Variants in CDH13 observed in about 807,000 individuals in gnomAD.
The protein encoded by CDH13 is cadherin 13.
CDH13 carries 24 observed loss-of-function variants against 63.8 expected under a neutral mutation model. The observed-to-expected ratio is 0.38, with a 90% CI of 0.27 to 0.53. The LOEUF is 0.53. Ranked by LOEUF, CDH13 falls within the 20% of genes least tolerant of loss-of-function variation. CDH13 has a pLI of 0.85. For missense variants in CDH13, 1,049 were observed against 903.1 expected, an observed-to-expected ratio of 1.16 and a Z score of -2.07; for synonymous variants, 503 against 355.3, an observed-to-expected ratio of 1.42 and a Z score of -4.67.
At chr16:83,063,071 C>G (rs1020979311) in intron 3 of CDH13, among the ~76,000 whole-genome samples, 1 of 151,590 alleles carries the variant, frequency 6.6e-6, no homozygotes, top group Admixed American at 6.6e-5. Flanking sequence ...AAGTGAGTCT[C>G]CTGCATCAGC....
chr16:82,670,635 C>G (rs892981319), intron 1 of CDH13, among the ~76,000 whole-genome samples: 1 of 152,142 alleles, frequency 6.6e-6, no homozygotes, highest in South Asian at 2.1e-4. Context: ...TCGGAATGAG[C>G]TAGGCATTTG....
chr16:83,206,376 C>T (rs946596446), intron 4 of CDH13, among the ~76,000 whole-genome samples: 37 of 152,330 alleles, frequency 2.4e-4, no homozygotes, highest in African/African-American at 8.7e-4. Flanking sequence ...TGTCCCCAGG[C>T]CAAGGGGCTG....
intron 1 of CDH13, among the ~76,000 whole-genome samples, chr16:82,627,339 T>TGCGTGC (rs1555525840): frequency 0.021 from 784 of 37,278 alleles, 7 homozygotes; most frequent in African/African-American, 0.067. Context: ...CTGGCGTGCG[T>TGCGTGC]GTGTGTGTGT....
At chr16:83,416,684 C>G (rs925763636) in intron 6 of CDH13, among the ~76,000 whole-genome samples, 3 of 152,130 alleles carry the variant, frequency 2.0e-5, no homozygotes, top group African/African-American at 7.2e-5. Context: ...AAGTAGATGT[C>G]CTTCAGGCAC....
chr16:83,414,365 A>T (rs2092170160), intron 6 of CDH13, among the ~76,000 whole-genome samples: 1 of 152,204 alleles, frequency 6.6e-6, no homozygotes, highest in South Asian at 2.1e-4. Flanking sequence ...CCACCACCAC[A>T]GTCTGATTTT....
intron 2 of CDH13, among the ~76,000 whole-genome samples, chr16:82,936,432 A>C (rs2042669454): frequency 6.6e-6 from 1 of 152,058 alleles, no homozygotes; most frequent in Non-Finnish European, 1.5e-5. Flanking sequence ...TGATGATCTG[A>C]GGTAGAACAG....
At chr16:83,625,465 C>T (rs768848404) in intron 8 of CDH13, among the ~76,000 whole-genome samples, 3 of 152,150 alleles carry the variant, frequency 2.0e-5, no homozygotes, top group Non-Finnish European at 2.9e-5. Context: ...TGCTACTGAC[C>T]ATCGCTAACA....
intron 2 of CDH13, among the ~76,000 whole-genome samples, chr16:82,997,681 C>G (rs926424220): frequency 1.3e-5 from 2 of 152,098 alleles, no homozygotes; most frequent in Non-Finnish European, 2.9e-5. Flanking sequence ...AGAGATTTTT[C>G]CACAATCACA....
At chr16:83,618,426 A>T (rs958057529) in intron 8 of CDH13, among the ~76,000 whole-genome samples, 1 of 151,982 alleles carries the variant, frequency 6.6e-6, no homozygotes, top group Non-Finnish European at 1.5e-5. Flanking sequence ...CTCCAAAAAA[A>T]AAAAAAAAGA....
At chr16:83,660,979 C>T (rs550779978) in intron 8 of CDH13, among the ~76,000 whole-genome samples, 3 of 151,386 alleles carry the variant, frequency 2.0e-5, no homozygotes, top group African/African-American at 7.3e-5. Context: ...TTTCTGTCAC[C>T]ATCTAATGTA....
chr16:83,072,541 T>C (rs1344774705), intron 3 of CDH13, among the ~76,000 whole-genome samples: 1 of 152,142 alleles, frequency 6.6e-6, no homozygotes, highest in Non-Finnish European at 1.5e-5. Context: ...CTAGAGATGT[T>C]TGTGTGTTTT....
Position 83,604,730 on chromosome 16 carries a change from A to G in CDH13, c.1101+2136A>G, listed in dbSNP as rs146470998. On this transcript the variant is annotated intron_variant, in intron 8 of 13. Transcript: ENST00000567109. ...ATTTCAAAATAAAAACTCAGAGCACATTGTAATATTCAATATAAACTTAAC... is the reference window on the plus strand; with the variant it reads ...ATTTCAAAATAAAAACTCAGAGCACGTTGTAATATTCAATATAAACTTAAC... Among the ~76,000 whole-genome samples the G allele has an allele frequency of 3.3e-3, 509 of 152,320 alleles. 4 individuals are homozygous for G. Among genetic ancestry groups the G allele is most frequent in the African/African-American group, 0.012 (487 of 41,568 alleles).
At chr16:83,099,289 A>G (rs72798328) in intron 3 of CDH13, among the ~76,000 whole-genome samples, 7,534 of 152,226 alleles carry the variant, frequency 0.049, 273 homozygotes, top group Non-Finnish European at 0.072. Context: ...TACACTAAAA[A>G]CAATTCTATG....
chr16:83,344,967 G>A lies in CDH13; in HGVS notation c.742G>A (p.Gly248Ser). 2 of 1,613,988 alleles carry A rather than the reference G, an allele frequency of 1.2e-6. No homozygotes were observed. The highest frequency in any genetic ancestry group is 1.1e-5 in the South Asian group (1 of 91,080). Residue 248 changes from glycine (G) to serine (S), a missense_variant, in exon 6 of 14, where the codon GGC becomes AGC. By Grantham distance (56) the Gly-to-Ser change is moderately conservative. Transcript: ENST00000567109. ...QNDNRPIFREGPYIGHVMEGS... is the reference protein window; with the variant it reads ...QNDNRPIFRESPYIGHVMEGS... ...TGACAACCGACCGATCTTTCGGGAA[G>A]GCCCCTACATCGGCCACGTCATGGA... is the stretch of plus-strand genomic sequence containing the variant.
intron 2 of CDH13, among the ~76,000 whole-genome samples, chr16:82,942,775 G>A (rs1904307924): frequency 6.6e-6 from 1 of 152,178 alleles, no homozygotes; most frequent in Non-Finnish European, 1.5e-5. Flanking sequence ...CAAGGTCACA[G>A]AGTTGATGAG....
chr16:83,048,215 T>A (rs545951925), intron 3 of CDH13, among the ~76,000 whole-genome samples: 49 of 152,344 alleles, frequency 3.2e-4, no homozygotes, highest in Non-Finnish European at 6.5e-4. Context: ...GAAACTTTCA[T>A]AACTCAGGTA....
At chr16:83,569,903 A>C (rs1320716343) in intron 7 of CDH13, among the ~76,000 whole-genome samples, 7 of 151,986 alleles carry the variant, frequency 4.6e-5, no homozygotes, top group Admixed American at 4.6e-4. Flanking sequence ...TGCCAGGCTA[A>C]TTTTTGTATT....
At chr16:82,933,272 C>A (rs959986947) in intron 2 of CDH13, among the ~76,000 whole-genome samples, 8 of 152,064 alleles carry the variant, frequency 5.3e-5, no homozygotes, top group African/African-American at 1.4e-4. Context: ...GCAAATATGT[C>A]CTTCACATGG....
chr16:83,174,673 G>A (rs1231823306), intron 4 of CDH13, among the ~76,000 whole-genome samples: 8 of 152,036 alleles, frequency 5.3e-5, no homozygotes. Flanking sequence ...ATATGTATTA[G>A]TCTGTTTTCA....
Sources: gnomAD v4.1 joint callset for allele counts (sites outside exome capture counted in the v4.1 genomes callset) on GRCh38, gnomAD v4.1.1 for gene constraint, MANE v1.5 for transcripts, NCBI Gene and HGNC (gene_info 2026-07-23, HGNC 2026-07-21) for gene names.